Variants in PDE1C observed in about 807,000 individuals in gnomAD.
The protein encoded by PDE1C is phosphodiesterase 1C.
In PDE1C, 62 loss-of-function variants were observed where a neutral mutation model predicts 93.1. The ratio of observed to expected loss-of-function variants is 0.67; its 90% CI spans 0.54 to 0.82. PDE1C has a LOEUF of 0.82. Among genes scored for constraint, PDE1C ranks in the 40% least tolerant of loss-of-function variants. PDE1C has a pLI of 0.00. For synonymous variants in PDE1C, 325 were observed against 310.1 expected (o/e 1.05, Z -0.50); for missense variants, 742 against 884.6 (o/e 0.84, Z 2.04).
At chr7:31,673,198 G>T in the PDE1C span, among the ~76,000 whole-genome samples, 1 of 152,184 alleles carries the variant, frequency 6.6e-6, no homozygotes, top group Non-Finnish European at 1.5e-5. Flanking sequence ...GAAACTGTTG[G>T]CATAGGGAAG....
intron 3 of PDE1C, among the ~76,000 whole-genome samples, chr7:32,134,740 A>G (rs1800107779): frequency 6.6e-6 from 1 of 152,112 alleles, no homozygotes; most frequent in Admixed American, 6.6e-5. Context: ...GGGGAACATC[A>G]CACACCAGAG....
intron 2 of PDE1C, among the ~76,000 whole-genome samples, chr7:32,189,653 G>A (rs1326325411): frequency 6.6e-6 from 1 of 152,116 alleles, no homozygotes; most frequent in African/African-American, 2.4e-5. Context: ...GGAAGAGTGT[G>A]CCACATTAAT....
At chr7:32,228,310 A>G (rs1488761121) in intron 1 of PDE1C, among the ~76,000 whole-genome samples, 1 of 152,186 alleles carries the variant, frequency 6.6e-6, no homozygotes, top group Non-Finnish European at 1.5e-5. Flanking sequence ...GAAATGGGAG[A>G]GCAACTCAGG....
At chr7:32,145,305 T>C (rs954205071) in intron 3 of PDE1C, among the ~76,000 whole-genome samples, 1 of 152,166 alleles carries the variant, frequency 6.6e-6, no homozygotes, top group Admixed American at 6.6e-5. Context: ...GCGCAGGACA[T>C]AGCTACTTAT....
intron 9 of PDE1C, among the ~76,000 whole-genome samples, chr7:31,846,877 A>G (rs949437216): frequency 3.9e-5 from 6 of 152,176 alleles, no homozygotes; most frequent in African/African-American, 1.4e-4. Context: ...ATATTCCCAT[A>G]TGTTTTAATA....
chr7:32,023,368 T>C (rs554098936), intron 2 of PDE1C, among the ~76,000 whole-genome samples: 80 of 152,264 alleles, frequency 5.3e-4, no homozygotes, highest in African/African-American at 1.8e-3. Flanking sequence ...TCTCTATAGC[T>C]GTCAAACTCC....
chr7:31,636,511 A>G, the PDE1C span, among the ~76,000 whole-genome samples: 1 of 152,116 alleles, frequency 6.6e-6, no homozygotes, highest in South Asian at 2.1e-4. Context: ...AGAAAAAGCA[A>G]TAGGTTCGAA....
chr7:31,870,468 T>G (rs1795807971), intron 6 of PDE1C, among the ~76,000 whole-genome samples: 1 of 152,024 alleles, frequency 6.6e-6, no homozygotes, highest in Non-Finnish European at 1.5e-5. Flanking sequence ...GAGACTATTA[T>G]GAACAACTAT....
At chr7:32,405,110 T>C (rs1258383411) in intron 1 of PDE1C, among the ~76,000 whole-genome samples, 2 of 152,162 alleles carry the variant, frequency 1.3e-5, no homozygotes, top group Admixed American at 6.5e-5. Context: ...TCTTCTGTTG[T>C]ACAGTATCAT....
At chr7:31,882,226 G>A (rs1053750147) in intron 2 of PDE1C, among the ~76,000 whole-genome samples, 3 of 152,116 alleles carry the variant, frequency 2.0e-5, no homozygotes, top group Admixed American at 6.5e-5. Flanking sequence ...TATATCAAAC[G>A]GAAATATGCA....
At chr7:32,305,495 T>C (rs1812975801) in intron 1 of PDE1C, among the ~76,000 whole-genome samples, 2 of 152,232 alleles carry the variant, frequency 1.3e-5, no homozygotes, top group South Asian at 4.1e-4. Context: ...AGTATAGTGA[T>C]CTTTTTTTCT....
At chr7:32,299,368 C>G (rs182745424), upstream of PDE1C, 5 of 985,762 alleles carry the variant, frequency 5.1e-6, no homozygotes, top group South Asian at 2.3e-4. Flanking sequence ...AGCCACTGCC[C>G]CCAGCACTGG....
chr7:32,311,131 G>A (rs1347743601), intron 1 of PDE1C, among the ~76,000 whole-genome samples: 7 of 152,298 alleles, frequency 4.6e-5, no homozygotes, highest in East Asian at 3.9e-4. Context: ...ACACCTCTAT[G>A]CAAATAAACT....
chr7:31,649,485 C>A, the PDE1C span, among the ~76,000 whole-genome samples: 1 of 152,184 alleles, frequency 6.6e-6, no homozygotes, highest in East Asian at 1.9e-4. Context: ...ATTGTCTCTA[C>A]AAGGAATGCT....
chr7:32,027,444 G>A (rs1478919021), intron 2 of PDE1C, among the ~76,000 whole-genome samples: 1 of 151,844 alleles, frequency 6.6e-6, no homozygotes, highest in African/African-American at 2.4e-5. Context: ...CTGTTTGTTT[G>A]TGCTTATATG....
the PDE1C span, among the ~76,000 whole-genome samples, chr7:31,691,956 G>T: frequency 1.3e-5 from 2 of 152,136 alleles, no homozygotes; most frequent in African/African-American, 4.8e-5. Flanking sequence ...TTTAATAGAT[G>T]TGTGACTAAA....
At chr7:31,946,790 A>G (rs1251891397) in intron 2 of PDE1C, among the ~76,000 whole-genome samples, 2 of 152,036 alleles carry the variant, frequency 1.3e-5, no homozygotes, top group Non-Finnish European at 2.9e-5. Context: ...ACTCCACCGG[A>G]CTTTGTCGCC....
At chr7:32,015,906 C>G (rs753935851) in intron 2 of PDE1C, among the ~76,000 whole-genome samples, 1 of 152,138 alleles carries the variant, frequency 6.6e-6, no homozygotes, top group Non-Finnish European at 1.5e-5. Flanking sequence ...AGAGGCAGGA[C>G]TAGACTCCAG....
At chr7:31,818,616 G>T (rs1788561299) in intron 14 of PDE1C, among the ~76,000 whole-genome samples, 1 of 152,100 alleles carries the variant, frequency 6.6e-6, no homozygotes, top group Non-Finnish European at 1.5e-5. Context: ...GTCTTATTCT[G>T]AAAGAGTAGT....
Sources: allele counts gnomAD v4.1 joint callset (sites outside exome capture counted in the v4.1 genomes callset), GRCh38; gene constraint gnomAD v4.1.1; transcripts MANE v1.5; gene names NCBI Gene and HGNC (gene_info 2026-07-23, HGNC 2026-07-21).